The following CSMD1 variants were observed in gnomAD, a reference collection of about 807,000 sequenced individuals.
CSMD1 encodes the protein CUB and sushi domain-containing protein 1.
In CSMD1, 213 loss-of-function variants were observed where a neutral mutation model predicts 417.5. The ratio of observed to expected loss-of-function variants is 0.51; its 90% CI spans 0.46 to 0.57. The LOEUF is 0.57. CSMD1 is among the 20% of genes least tolerant of loss of function. CSMD1 has a pLI of 0.00. For missense variants in CSMD1, 6,923 were observed against 4,529.7 expected, an observed-to-expected ratio of 1.53 and a Z score of -15.17; for synonymous variants, 2,862 against 1,736.8, an observed-to-expected ratio of 1.65 and a Z score of -16.11.
At chr8:4,647,425 C>T (rs7824770) in intron 1 of CSMD1, among the ~76,000 whole-genome samples, 16 of 141,808 alleles carry the variant, frequency 1.1e-4, no homozygotes, top group East Asian at 4.5e-4. Context: ...TGTGCCACGG[C>T]GGCCTGCTAC....
rs569298994 is a variant in CSMD1, at chr8:3,493,825, C to A, written c.1345-99G>T. On this transcript the variant is annotated intron_variant, in intron 10 of 69. Coordinates refer to ENST00000635120, the MANE Select transcript of CSMD1 (RefSeq NM_033225.6). ...TCTAGTTATACTGTTAAATTTTGCT[C>A]CTTAATGCCAATGTCAAATGATCCC... The A allele has an allele frequency of 1.7e-4, 154 of 902,420 alleles. 1 individual carries two copies. The African/African-American group carries it at 2.4e-3, about 14-fold the overall frequency. The allele number at this position is 902,420 out of a possible 1,614,324, so 55.9% of individuals were successfully genotyped here.
intron 7 of CSMD1, among the ~76,000 whole-genome samples, chr8:3,664,499 T>C (rs1294310924): frequency 6.6e-6 from 1 of 152,222 alleles, no homozygotes; most frequent in South Asian, 2.1e-4. Flanking sequence ...ATAGAATATG[T>C]AAAATATCCT....
At chr8:3,947,355 A>C (rs184077642) in intron 5 of CSMD1, among the ~76,000 whole-genome samples, 1 of 152,216 alleles carries the variant, frequency 6.6e-6, no homozygotes, top group Admixed American at 6.5e-5. Flanking sequence ...ATGTTAAACC[A>C]ATCTCGTATT....
At position 3,110,285 on chromosome 8, in the gene CSMD1, C is replaced by A. The variant is rs999615041; in HGVS notation, c.6481G>T (p.Gly2161Cys). The A allele has an allele frequency of 1.2e-6, 2 of 1,613,476 alleles. No individual in the cohort carries two copies. Among genetic ancestry groups the A allele is most frequent in the Admixed American group, 3.3e-5 (2 of 59,968 alleles). The change falls in exon 43 of 70, where the codon GGC (glycine) becomes TGC (cysteine). Residue 2161 changes from glycine to cysteine, a missense_variant. By Grantham distance (159) the Gly-to-Cys change is radical. Coordinates refer to ENST00000635120, the MANE Select transcript of CSMD1 (RefSeq NM_033225.6). ...AGGATCGGATACTCATCAGGAAAGCCAGGGGAGTAGATGGTGCCGTTCTGA... is the reference window on the plus strand; with the variant it reads ...AGGATCGGATACTCATCAGGAAAGCAAGGGGAGTAGATGGTGCCGTTCTGA... ...TSQNGTIYSP[G>C]FPDEYPILKD... is the part of the protein sequence containing the mutation.
chr8:3,242,810 A>G (rs80116150), intron 26 of CSMD1, among the ~76,000 whole-genome samples: 633 of 36,918 alleles, frequency 0.017, 9 homozygotes, highest in African/African-American at 0.043. Flanking sequence ...GTTGGGGCGC[A>G]GAAATAAGGG....
chr8:3,742,512 T>C (rs1019244331), intron 6 of CSMD1, among the ~76,000 whole-genome samples: 1 of 152,214 alleles, frequency 6.6e-6, no homozygotes, highest in Non-Finnish European at 1.5e-5. Context: ...GATGGATAGT[T>C]GGCACTGCAC....
chr8:3,424,121 G>A (rs1211539864), intron 12 of CSMD1, among the ~76,000 whole-genome samples: 1 of 152,084 alleles, frequency 6.6e-6, no homozygotes, highest in Admixed American at 6.5e-5. Flanking sequence ...AAATTTATCA[G>A]TATAGGAAGC....
At chr8:3,007,767 G>A (rs1167931062) in intron 52 of CSMD1, among the ~76,000 whole-genome samples, 2 of 123,150 alleles carry the variant, frequency 1.6e-5, no homozygotes, top group Non-Finnish European at 3.2e-5. Context: ...TCTGGGGACC[G>A]CTGTGGGGTG....
At chr8:3,919,184 CAAAAAAAAAA>C (rs71203490) in intron 5 of CSMD1, among the ~76,000 whole-genome samples, 4,264 of 91,894 alleles carry the variant, frequency 0.046, 253 homozygotes, top group African/African-American at 0.15. Flanking sequence ...GTGTCATATC[CAAAAAAAAAA>C]AAAAAAAAAA....
intron 26 of CSMD1, among the ~76,000 whole-genome samples, chr8:3,254,340 A>G (rs541872053): frequency 6.6e-6 from 1 of 151,854 alleles, no homozygotes; most frequent in Non-Finnish European, 1.5e-5. Context: ...GGTGAATCTG[A>G]CAATTATGTG....
intron 3 of CSMD1, among the ~76,000 whole-genome samples, chr8:4,416,797 G>T (rs1341660376): frequency 6.6e-6 from 1 of 151,950 alleles, no homozygotes; most frequent in Admixed American, 6.6e-5. Context: ...TAAAACATAG[G>T]TCAGCTTGAT....
chr8:4,625,666 T>C (rs978024549), intron 2 of CSMD1, among the ~76,000 whole-genome samples: 24 of 152,084 alleles, frequency 1.6e-4, no homozygotes, highest in Non-Finnish European at 3.2e-4. Context: ...TGAAAACCCC[T>C]AAACCTAAGC....
At chr8:4,829,518 G>C (rs1355841450) in intron 1 of CSMD1, among the ~76,000 whole-genome samples, 2 of 152,076 alleles carry the variant, frequency 1.3e-5, no homozygotes, top group African/African-American at 4.8e-5. Flanking sequence ...GAGGCAGGAG[G>C]ATCTCTTGAG....
Position 3,241,132 on chromosome 8 carries a change from A to G in CSMD1, c.4154-10901T>C, listed in dbSNP as rs1488519111. 1.8e-4 allele frequency among the ~76,000 whole-genome samples: 28 copies of G among 151,828 alleles called. 1 individual carries two copies. The highest frequency in any genetic ancestry group is 3.1e-4 in the African/African-American group (13 of 41,426). Reference sequence around the variant, plus strand: ...GGGAAGAAGGGCGGCAATGAGATGTAGCTGTAGTCCAGGAATAGTTAGGGA... The same window carrying G: ...GGGAAGAAGGGCGGCAATGAGATGTGGCTGTAGTCCAGGAATAGTTAGGGA... On this transcript the variant is annotated intron_variant, in intron 26 of 69. Coordinates refer to ENST00000635120, the MANE Select transcript of CSMD1 (RefSeq NM_033225.6).
intron 3 of CSMD1, among the ~76,000 whole-genome samples, chr8:4,044,131 C>T (rs978761967): frequency 1.3e-5 from 2 of 152,110 alleles, no homozygotes; most frequent in African/African-American, 4.8e-5. Context: ...CTCACATGTT[C>T]TCATCTTAAC....
At chr8:4,731,737 A>G (rs1391016346) in intron 1 of CSMD1, among the ~76,000 whole-genome samples, 2 of 152,136 alleles carry the variant, frequency 1.3e-5, no homozygotes, top group Non-Finnish European at 2.9e-5. Context: ...CAGCAGCCAC[A>G]GCAGTTACTC....
intron 5 of CSMD1, among the ~76,000 whole-genome samples, chr8:3,913,648 G>C (rs887879980): frequency 2.6e-5 from 4 of 152,298 alleles, no homozygotes; most frequent in East Asian, 1.9e-4. Context: ...CCAGCATTGA[G>C]ACATTTGGGT....
intron 6 of CSMD1, among the ~76,000 whole-genome samples, chr8:3,710,968 C>G (rs9314503): frequency 0.61 from 92,226 of 151,904 alleles, 28,151 homozygotes; most frequent in Admixed American, 0.65. Flanking sequence ...GCAATGCCGC[C>G]AGCTGTGCTT....
rs1290768668 is a variant in CSMD1 at position 3,517,152 on chromosome 8, C to G, written c.1345-23426G>C. On this transcript the variant is annotated intron_variant, in intron 10 of 69. Transcript: ENST00000635120. ...TAGCTCCCTCCTGCAGTGTGCTCCT[C>G]ATGCTCATCCCTTCTCATGCCTGTC... Among the ~76,000 whole-genome samples the G allele has an allele frequency of 2.0e-5, 3 of 152,312 alleles. No individual in the cohort carries two copies. The East Asian group carries it at 5.8e-4, about 29-fold the overall frequency.
Sources: allele counts gnomAD v4.1 joint callset (sites outside exome capture counted in the v4.1 genomes callset), GRCh38; gene constraint gnomAD v4.1.1; transcripts MANE v1.5; gene names NCBI Gene and HGNC (gene_info 2026-07-23, HGNC 2026-07-21).